Variants in ZNF804A observed in about 807,000 individuals in gnomAD.
ZNF804A encodes the protein zinc finger protein 804A.
In ZNF804A, 2 loss-of-function variants were observed where a neutral mutation model predicts 16.5. The ratio of observed to expected loss-of-function variants is 0.12; its 90% CI spans 0.05 to 0.38. The LOEUF (loss-of-function observed/expected upper bound fraction) is 0.38. Ranked by LOEUF, ZNF804A falls within the 10% of genes least tolerant of loss-of-function variation. The pLI is 0.99. For synonymous variants in ZNF804A, 534 were observed against 489.6 expected (o/e 1.09, Z -1.20); for missense variants, 1,473 against 1,390.7 (o/e 1.06, Z -0.94).
intron 1 of ZNF804A, among the ~76,000 whole-genome samples, chr2:184,777,052 A>G (rs905772931): frequency 2.6e-5 from 4 of 151,558 alleles, no homozygotes; most frequent in African/African-American, 4.8e-5. Context: ...TCTTGAATCT[A>G]ATGATTATTC....
intron 2 of ZNF804A, among the ~76,000 whole-genome samples, chr2:184,916,169 A>G (rs1257964231): frequency 6.6e-6 from 1 of 152,144 alleles, no homozygotes; most frequent in African/African-American, 2.4e-5. Context: ...TGACAGAAAC[A>G]ACTCTCTGGA....
At chr2:184,886,217 T>C (rs188506043) in intron 2 of ZNF804A, among the ~76,000 whole-genome samples, 141 of 152,208 alleles carry the variant, frequency 9.3e-4, no homozygotes, top group African/African-American at 3.3e-3. Context: ...AGCTGGACAG[T>C]AAAATCTTAA....
intron 1 of ZNF804A, among the ~76,000 whole-genome samples, chr2:184,798,577 T>C (rs4666990): frequency 0.35 from 53,081 of 151,972 alleles, 11,131 homozygotes; most frequent in East Asian, 0.48. Flanking sequence ...TTCCAATGTT[T>C]CCTGAAGTTT....
intron 2 of ZNF804A, among the ~76,000 whole-genome samples, chr2:184,871,114 C>G (rs1695967089): frequency 1.3e-5 from 2 of 150,974 alleles, no homozygotes; most frequent in Non-Finnish European, 2.9e-5. Context: ...ATAAATAGAT[C>G]TTCCACAATA....
intron 1 of ZNF804A, among the ~76,000 whole-genome samples, chr2:184,768,390 AC>A (rs1456834410): frequency 6.6e-6 from 1 of 152,072 alleles, no homozygotes; most frequent in Non-Finnish European, 1.5e-5. Flanking sequence ...CTCCTAGTGG[AC>A]TTTATGAAAC....
At chr2:184,814,530 C>T (rs546809186) in intron 1 of ZNF804A, among the ~76,000 whole-genome samples, 3 of 152,086 alleles carry the variant, frequency 2.0e-5, no homozygotes, top group Non-Finnish European at 2.9e-5. Context: ...TCCACAAACA[C>T]GTAATTTAAC....
At chr2:184,728,132 A>C (rs966893127) in intron 1 of ZNF804A, among the ~76,000 whole-genome samples, 8 of 151,726 alleles carry the variant, frequency 5.3e-5, no homozygotes, top group Non-Finnish European at 8.9e-5. Context: ...AAAATGAAGA[A>C]GGTATTTACA....
At chr2:184,912,402 T>C (rs554535338) in intron 2 of ZNF804A, among the ~76,000 whole-genome samples, 1 of 152,096 alleles carries the variant, frequency 6.6e-6, no homozygotes, top group South Asian at 2.1e-4. Context: ...GATAGTGTTG[T>C]TATGGTCATT....
chr2:184,710,787 T>C (rs1693113490), intron 1 of ZNF804A, among the ~76,000 whole-genome samples: 1 of 151,824 alleles, frequency 6.6e-6, no homozygotes, highest in Non-Finnish European at 1.5e-5. Flanking sequence ...ATAAGCCAAT[T>C]TCACTTAACA....
At chr2:184,750,923 C>A (rs1331112687) in intron 1 of ZNF804A, among the ~76,000 whole-genome samples, 1 of 151,364 alleles carries the variant, frequency 6.6e-6, no homozygotes, top group Non-Finnish European at 1.5e-5. Flanking sequence ...TAAGTGAAAT[C>A]ATGGAGTACT....
intron 1 of ZNF804A, among the ~76,000 whole-genome samples, chr2:184,859,801 T>C (rs890700149): frequency 3.3e-5 from 5 of 152,220 alleles, no homozygotes; most frequent in Non-Finnish European, 2.9e-5. Context: ...GATTCAACAG[T>C]TGGCTTATTG....
intron 1 of ZNF804A, among the ~76,000 whole-genome samples, chr2:184,844,409 G>T (rs944125909): frequency 6.6e-6 from 1 of 151,922 alleles, no homozygotes; most frequent in Non-Finnish European, 1.5e-5. Flanking sequence ...ACATTTGTTG[G>T]TGATGAATTT....
At chr2:184,630,675 T>TC (rs1399365955) in intron 1 of ZNF804A, among the ~76,000 whole-genome samples, 1 of 152,090 alleles carries the variant, frequency 6.6e-6, no homozygotes, top group African/African-American at 2.4e-5. Flanking sequence ...CAACTAATGA[T>TC]CCATTCATCA....
At chr2:184,618,975 G>C (rs543852184) in intron 1 of ZNF804A, among the ~76,000 whole-genome samples, 1 of 152,118 alleles carries the variant, frequency 6.6e-6, no homozygotes, top group East Asian at 1.9e-4. Context: ...AAGATCGGGG[G>C]CCTTTTAATA....
chr2:184,688,044 G>A (rs553487364), intron 1 of ZNF804A, among the ~76,000 whole-genome samples: 10 of 152,214 alleles, frequency 6.6e-5, no homozygotes, highest in Admixed American at 3.9e-4. Context: ...GCTTGAACCC[G>A]GGAGGCAGAG....
intron 1 of ZNF804A, among the ~76,000 whole-genome samples, chr2:184,824,448 A>G (rs915679955): frequency 1.3e-5 from 2 of 152,078 alleles, no homozygotes; most frequent in Admixed American, 6.6e-5. Context: ...TGAAGAAAAC[A>G]TGGAAGCATA....
At chr2:184,668,179 G>A (rs1692280438) in intron 1 of ZNF804A, among the ~76,000 whole-genome samples, 1 of 151,718 alleles carries the variant, frequency 6.6e-6, no homozygotes, top group Non-Finnish European at 1.5e-5. Flanking sequence ...AATTATAATT[G>A]TATATATTTA....
chr2:184,647,636 T>C (rs1559116866), intron 1 of ZNF804A, among the ~76,000 whole-genome samples: 1 of 152,144 alleles, frequency 6.6e-6, no homozygotes, highest in Non-Finnish European at 1.5e-5. Context: ...AGGCAGAAGA[T>C]AGAATGTCAA....
chr2:184,891,384 A>G (rs1684981466), intron 2 of ZNF804A, among the ~76,000 whole-genome samples: 1 of 152,126 alleles, frequency 6.6e-6, no homozygotes, highest in African/African-American at 2.4e-5. Context: ...CCACTCCATT[A>G]CATTATACCA....
Sources: allele counts gnomAD v4.1 joint callset (sites outside exome capture counted in the v4.1 genomes callset), GRCh38; gene constraint gnomAD v4.1.1; transcripts MANE v1.5; gene names NCBI Gene and HGNC (gene_info 2026-07-23, HGNC 2026-07-21).